ZFYVE28: variants seen among roughly 807,000 people sequenced by gnomAD.
The protein encoded by ZFYVE28 is zinc finger FYVE-type containing 28, also known as lateral signaling target protein 2 homolog.
Under a neutral mutation model 82.1 loss-of-function variants are expected in ZFYVE28, and 40 were observed. The ratio of observed to expected loss-of-function variants is 0.49; its 90% confidence interval spans 0.38 to 0.63. The LOEUF (loss-of-function observed/expected upper bound fraction) is 0.63, where lower values mean the gene tolerates loss of function less well. ZFYVE28 is among the 30% of genes least tolerant of loss of function. The pLI is 0.00. For synonymous variants in ZFYVE28, 612 were observed against 546.1 expected (o/e 1.12, Z -1.68); for missense variants, 1,321 against 1,242.1 (o/e 1.06, Z -0.96).
chr4:2,371,245 G>C (rs1727517793), intron 1 of ZFYVE28, among the ~76,000 whole-genome samples: 1 of 152,204 alleles, frequency 6.6e-6, no homozygotes, highest in Non-Finnish European at 1.5e-5. Flanking sequence ...GGGCTGATTT[G>C]TGTGGTTGCC....
At chr4:2,386,425 C>T (rs1004869456) in intron 1 of ZFYVE28, among the ~76,000 whole-genome samples, 4 of 152,120 alleles carry the variant, frequency 2.6e-5, no homozygotes, top group East Asian at 1.9e-4. Flanking sequence ...GCGGAGGTTG[C>T]GGTGAGCTGA....
chr4:2,385,405 G>A (rs1021428794), intron 1 of ZFYVE28, among the ~76,000 whole-genome samples: 5 of 152,152 alleles, frequency 3.3e-5, no homozygotes, highest in South Asian at 2.1e-4. Context: ...CAGCCCCAGC[G>A]CTGAGAGAGC....
chr4:2,294,456 G>A (rs1239045265), intron 8 of ZFYVE28, among the ~76,000 whole-genome samples: 1 of 152,152 alleles, frequency 6.6e-6, no homozygotes, highest in Non-Finnish European at 1.5e-5. Context: ...ATGGAATACT[G>A]TATAGATCTA....
chr4:2,304,562 G>GCAC lies in ZFYVE28; in HGVS notation c.1775_1777dup (p.Gly592dup). On this transcript the variant is annotated inframe_insertion, in exon 8 of 13. Transcript: ENST00000290974. Reference sequence around the variant, plus strand: ...CTTGGCTAAGCCGGCAGCGTACGAGGCACCAATGACGCCTCCCGGGCTGCA... The same window carrying GCAC: ...CTTGGCTAAGCCGGCAGCGTACGAGGCACCACCAATGACGCCTCCCGGGCTGCA... 1 of 1,612,748 alleles carries GCAC rather than the reference G, an allele frequency of 6.2e-7. No homozygotes were observed. The highest frequency in any genetic ancestry group is 8.5e-7 in the Non-Finnish European group (1 of 1,179,914).
chr4:2,363,875 G>C (rs767910910), intron 1 of ZFYVE28, among the ~76,000 whole-genome samples: 2 of 152,180 alleles, frequency 1.3e-5, no homozygotes, highest in South Asian at 2.1e-4. Flanking sequence ...AAGAACCAAG[G>C]CTCAGAGAGG....
At chr4:2,365,856 T>C (rs1339750494) in intron 1 of ZFYVE28, among the ~76,000 whole-genome samples, 2 of 152,110 alleles carry the variant, frequency 1.3e-5, no homozygotes, top group Non-Finnish European at 2.9e-5. Flanking sequence ...CAAGCACGCA[T>C]GTTTGTTTTC....
chr4:2,403,255 G>A (rs953185704), intron 1 of ZFYVE28, among the ~76,000 whole-genome samples: 3 of 152,200 alleles, frequency 2.0e-5, no homozygotes, highest in African/African-American at 7.2e-5. Context: ...GTACCCCAGC[G>A]TCGGGTCTGC....
chr4:2,366,003 G>C (rs1191292166), intron 1 of ZFYVE28, among the ~76,000 whole-genome samples: 1 of 152,172 alleles, frequency 6.6e-6, no homozygotes, highest in Non-Finnish European at 1.5e-5. Context: ...AGGAAGCCAG[G>C]GCAAGATACA....
chr4:2,343,685 G>A (rs753116349), intron 2 of ZFYVE28, among the ~76,000 whole-genome samples: 3 of 152,190 alleles, frequency 2.0e-5, no homozygotes, highest in Non-Finnish European at 4.4e-5. Context: ...AGGTGGCACA[G>A]CTTGTCTAAG....
At chr4:2,271,643 T>G in intron 11 of ZFYVE28, 32 bp downstream of exon 11, 1 of 1,602,172 alleles carries the variant, frequency 6.2e-7, no homozygotes, top group Non-Finnish European at 8.5e-7. Context: ...TGGTGTCTAG[T>G]GCAGTGTCCT....
chr4:2,378,965 G>T (rs1728446970), intron 1 of ZFYVE28, among the ~76,000 whole-genome samples: 1 of 152,210 alleles, frequency 6.6e-6, no homozygotes, highest in South Asian at 2.1e-4. Flanking sequence ...TGAGCAGAGG[G>T]CTCTTCCTCT....
intron 2 of ZFYVE28, among the ~76,000 whole-genome samples, chr4:2,353,439 C>T (rs1019449579): frequency 2.0e-5 from 3 of 152,310 alleles, no homozygotes; most frequent in South Asian, 2.1e-4. Context: ...TGCAGCATGC[C>T]GTTTGCCGTT....
chr4:2,272,390 G>C (rs1221897274), intron 10 of ZFYVE28, among the ~76,000 whole-genome samples: 1 of 152,198 alleles, frequency 6.6e-6, no homozygotes, highest in Non-Finnish European at 1.5e-5. Context: ...TGGCGAGTAG[G>C]GGCTTAGTCC....
chr4:2,364,836 C>G, intron 1 of ZFYVE28: 2 of 985,506 alleles, frequency 2.0e-6, no homozygotes, highest in Non-Finnish European at 2.4e-6. Flanking sequence ...TCCGCGATAC[C>G]GCGATAAAAC....
intron 8 of ZFYVE28, among the ~76,000 whole-genome samples, chr4:2,288,664 T>G (rs60131249): frequency 0.051 from 7,791 of 152,336 alleles, 491 homozygotes; most frequent in East Asian, 0.18. Context: ...TCCCAGGGCC[T>G]TAGTTTACTT....
intron 6 of ZFYVE28, among the ~76,000 whole-genome samples, chr4:2,331,487 T>A (rs1041787866): frequency 2.8e-4 from 43 of 151,552 alleles, no homozygotes; most frequent in Admixed American, 2.3e-3. Context: ...ATTTTTTTTT[T>A]AATTAAAAAA....
chr4:2,400,722 G>C (rs1578392699), intron 1 of ZFYVE28, among the ~76,000 whole-genome samples: 1 of 152,148 alleles, frequency 6.6e-6, no homozygotes, highest in South Asian at 2.1e-4. Context: ...AAAGCTGTAG[G>C]CTGGGAGGCT....
chr4:2,304,849 G>T lies in ZFYVE28; in HGVS notation c.1491C>A (p.Asp497Glu), dbSNP rs146596546. 6.2e-7 allele frequency: 1 copy of T among 1,612,534 alleles called. No individual in the cohort carries two copies. Among genetic ancestry groups the T allele is most frequent in the Admixed American group, 1.7e-5 (1 of 59,998 alleles). Reference sequence around the variant, plus strand: ...GGGCGATCATCTCAGCCGTCTCTGCGTCATCCGCACCCACCTCCCAGCCGT... The same window carrying T: ...GGGCGATCATCTCAGCCGTCTCTGCTTCATCCGCACCCACCTCCCAGCCGT... Reference protein sequence around the residue: ...HLDGWEVGADDAETAEMIAHR... With the variant: ...HLDGWEVGADEAETAEMIAHR... The change falls in exon 8 of 13, where the codon GAC becomes GAA. Residue 497 changes from aspartate (D) to glutamate (E), a missense_variant. Transcript: ENST00000290974.
intron 1 of ZFYVE28, chr4:2,364,858 C>T (rs1344347142): frequency 3.0e-6 from 3 of 985,382 alleles, no homozygotes; most frequent in African/African-American, 3.5e-5. Context: ...CCCACGTCGC[C>T]GCGGCAAAGT....
Sources: gnomAD v4.1 joint callset for allele counts (sites outside exome capture counted in the v4.1 genomes callset) on GRCh38, gnomAD v4.1.1 for gene constraint, MANE v1.5 for transcripts, NCBI Gene and HGNC (gene_info 2026-07-23, HGNC 2026-07-21) for gene names.